The following DBX2 variants were observed in gnomAD, a reference collection of about 807,000 sequenced individuals.
DBX2 encodes the protein developing brain homeobox 2, also known as homeobox protein DBX2.
Under a neutral mutation model 17.7 loss-of-function variants are expected in DBX2, and 16 were observed. That is an observed-to-expected ratio of 0.90 (90% CI 0.61 to 1.37). The LOEUF (loss-of-function observed/expected upper bound fraction) is 1.37, where lower values mean the gene tolerates loss of function less well. DBX2 is among the 40% of genes most tolerant of loss of function. The pLI, the probability that DBX2 is intolerant of heterozygous loss-of-function variation, is 0.00. For synonymous variants in DBX2, 255 were observed against 183.8 expected (o/e 1.39, Z -3.13); for missense variants, 538 against 433.8 (o/e 1.24, Z -2.13).
chr12:45,024,466 T>G (rs1266925276), intron 2 of DBX2, among the ~76,000 whole-genome samples: 2 of 152,212 alleles, frequency 1.3e-5, no homozygotes, highest in Admixed American at 6.5e-5. Flanking sequence ...TACATTTGCT[T>G]GTCCTCCCAA....
chr12:45,030,497 T>C (rs1946403824), intron 2 of DBX2, among the ~76,000 whole-genome samples: 1 of 152,232 alleles, frequency 6.6e-6, no homozygotes, highest in Non-Finnish European at 1.5e-5. Context: ...TAAAGGCTTC[T>C]GGATCATGCA....
At chr12:45,050,485 G>A (rs751376642) in intron 1 of DBX2, 40 bp downstream of exon 1, 2 of 1,542,968 alleles carry the variant, frequency 1.3e-6, no homozygotes, top group South Asian at 1.2e-5. Flanking sequence ...CGGCCTGGGG[G>A]CGCGGGCGCG....
intron 3 of DBX2, among the ~76,000 whole-genome samples, chr12:45,022,327 G>A (rs1304567270): frequency 1.1e-5 from 1 of 87,976 alleles, no homozygotes; most frequent in African/African-American, 4.8e-5. Context: ...TTTTTGAGAT[G>A]GAGTCTTGCA....
chr12:45,043,959 G>C (rs1230790962), intron 1 of DBX2, among the ~76,000 whole-genome samples: 1 of 152,136 alleles, frequency 6.6e-6, no homozygotes, highest in East Asian at 1.9e-4. Flanking sequence ...ATTCCTTATG[G>C]TTACAGAATC....
chr12:45,050,709 G>C lies in DBX2; in HGVS notation c.219C>G (p.Leu73=), dbSNP rs778049675. The part of the protein sequence containing the change: ...ATALATAGAQ[L]RPLPASPVPL... ...GAACTGGGCTAGCAGGCAGGGGCCG[G>C]AGCTGCGCGCCCGCGGTGGCCAGGG... Residue 73 remains leucine (L), a synonymous_variant, in exon 1 of 4, where the codon CTC becomes CTG. Coordinates refer to ENST00000332700, the MANE Select transcript of DBX2 (RefSeq NM_001004329.3). The C allele has an allele frequency of 6.7e-7, 1 of 1,500,984 alleles. No individual in the cohort carries two copies. Among genetic ancestry groups the C allele is most frequent in the South Asian group, 1.3e-5 (1 of 78,152 alleles). The allele number at this position is 1,500,984 out of a possible 1,614,324, so 93.0% of individuals were successfully genotyped here.
In DBX2 at chr12:45,016,093, T is replaced by C. The variant is rs1374658550; in HGVS notation, c.*193A>G. On this transcript the variant is annotated 3_prime_UTR_variant, in exon 4 of 4. Coordinates refer to ENST00000332700, the MANE Select transcript of DBX2 (RefSeq NM_001004329.3). ...CTGTCATACTTGCTGGGAGATTCTA[T>C]TCCACTTACAAATTAAGCCTGAGTC... 2 of 505,066 alleles carry C rather than the reference T, an allele frequency of 4.0e-6. No individual in the cohort carries two copies. The highest frequency in any genetic ancestry group is 6.6e-6 in the Non-Finnish European group (2 of 303,778). 31.3% of individuals were successfully genotyped at this position (505,066 alleles called of 1,614,324 possible).
intron 1 of DBX2, 84 bp downstream of exon 1, chr12:45,050,441 C>A: frequency 6.7e-7 from 1 of 1,490,524 alleles, no homozygotes; most frequent in Non-Finnish European, 8.9e-7. Flanking sequence ...GGGCGCAGTG[C>A]GCACCGCCGG....
chr12:45,018,784 T>C (rs571768227), intron 3 of DBX2, among the ~76,000 whole-genome samples: 2 of 152,186 alleles, frequency 1.3e-5, no homozygotes, highest in South Asian at 2.1e-4. Flanking sequence ...ATGTGGTATA[T>C]ACATACAAAG....
chr12:45,016,220 C>T lies in DBX2; in HGVS notation c.*66G>A, dbSNP rs578067181. 6.8e-7 allele frequency: 1 copy of T among 1,479,928 alleles called. No individual in the cohort carries two copies. Among genetic ancestry groups the T allele is most frequent in the East Asian group, 2.3e-5 (1 of 42,894 alleles). 91.7% of individuals were successfully genotyped at this position (1,479,928 alleles called of 1,614,324 possible). On this transcript the variant is annotated 3_prime_UTR_variant, in exon 4 of 4. Coordinates refer to ENST00000332700, the MANE Select transcript of DBX2 (RefSeq NM_001004329.3). ...TAAGCACTGATGAGGTACAAGCTAG[C>T]TGGCATTAGAGTCCAGATGTTACTA... is the stretch of plus-strand genomic sequence containing the variant.
At chr12:45,016,945 G>C (rs2731053) in intron 3 of DBX2, among the ~76,000 whole-genome samples, 14 of 151,686 alleles carry the variant, frequency 9.2e-5, no homozygotes, top group African/African-American at 3.2e-4. Context: ...CACCATAACC[G>C]GCTAATTTTT....
At chr12:45,039,845 A>G (rs1427190677) in intron 1 of DBX2, among the ~76,000 whole-genome samples, 1 of 152,050 alleles carries the variant, frequency 6.6e-6, no homozygotes, top group Non-Finnish European at 1.5e-5. Flanking sequence ...TAGACCCTGG[A>G]CAACTGACAC....
chr12:45,020,211 C>T (rs565656399), intron 3 of DBX2, among the ~76,000 whole-genome samples: 6 of 152,176 alleles, frequency 3.9e-5, no homozygotes, highest in African/African-American at 1.4e-4. Flanking sequence ...CTGTTTCCCC[C>T]AGCCCTAAGC....
chr12:45,037,130 AAGTT>A (rs1392362321), intron 1 of DBX2, among the ~76,000 whole-genome samples: 4 of 152,206 alleles, frequency 2.6e-5, no homozygotes, highest in African/African-American at 9.6e-5. Context: ...TTAACATTTT[AAGTT>A]AAACTCTTTC....
chr12:45,035,474 A>C (rs1423186968), intron 2 of DBX2, among the ~76,000 whole-genome samples: 2 of 152,092 alleles, frequency 1.3e-5, no homozygotes, highest in African/African-American at 2.4e-5. Flanking sequence ...ACTCTACTAA[A>C]ATGTTGCTTT....
chr12:45,045,536 A>G (rs1485601613), intron 1 of DBX2, among the ~76,000 whole-genome samples: 3 of 152,200 alleles, frequency 2.0e-5, no homozygotes, highest in Non-Finnish European at 4.4e-5. Flanking sequence ...AGCAAATCTA[A>G]CTGTAAAATA....
chr12:45,028,806 T>A (rs999842962), intron 2 of DBX2, among the ~76,000 whole-genome samples: 1 of 152,176 alleles, frequency 6.6e-6, no homozygotes, highest in Non-Finnish European at 1.5e-5. Context: ...CACCAAAAAG[T>A]AAAGAATATT....
intron 1 of DBX2, among the ~76,000 whole-genome samples, chr12:45,041,647 G>T (rs964647743): frequency 1.3e-5 from 2 of 152,084 alleles, no homozygotes; most frequent in East Asian, 1.9e-4. Context: ...AAAACAAAGG[G>T]TCTTAATGTT....
At chr12:45,031,225 T>TGTGTGTGTGTGTGTGTGAGA (rs1377897653) in intron 2 of DBX2, among the ~76,000 whole-genome samples, 5 of 85,652 alleles carry the variant, frequency 5.8e-5, no homozygotes, top group Admixed American at 1.3e-4. Flanking sequence ...TGTGTGTGTG[T>TGTGTGTGTGTGTGTGTGAGA]GAGAGAGAGA....
At position 45,050,815 on chromosome 12, in the gene DBX2, A is replaced by G. The variant is rs1946528446; in HGVS notation, c.113T>C (p.Phe38Ser). Reference sequence around the variant, plus strand: ...GACCCGCAGCAAATTCTCGATCAGGAAACTCTTGCCCAGGTTGCCAAAGCC... The same window carrying G: ...GACCCGCAGCAAATTCTCGATCAGGGAACTCTTGCCCAGGTTGCCAAAGCC... ...APGFGNLGKS[F>S]LIENLLRVGG... Residue 38 changes from phenylalanine to serine, a missense_variant, in exon 1 of 4, where the codon TTC becomes TCC. Transcript: ENST00000332700. 1 of 1,538,428 alleles carries G rather than the reference A, an allele frequency of 6.5e-7. No homozygotes were observed. Among genetic ancestry groups the G allele is most frequent in the Non-Finnish European group, 8.7e-7 (1 of 1,145,026 alleles).
Sources: allele counts gnomAD v4.1 joint callset (sites outside exome capture counted in the v4.1 genomes callset), GRCh38; gene constraint gnomAD v4.1.1; transcripts MANE v1.5; gene names NCBI Gene and HGNC (gene_info 2026-07-23, HGNC 2026-07-21).